FSTL5: variants seen among roughly 807,000 people sequenced by gnomAD.
FSTL5 encodes follistatin like 5, also known as follistatin-related protein 5.
Under a neutral mutation model 89.1 loss-of-function variants are expected in FSTL5, and 62 were observed. The ratio of observed to expected loss-of-function variants is 0.70; its 90% CI spans 0.57 to 0.86. FSTL5 has a LOEUF of 0.86. Ranked by LOEUF, FSTL5 falls within the 40% of genes least tolerant of loss-of-function variation. The probability of loss-of-function intolerance (pLI) is 0.00; values close to 1 mark genes in which losing one functional copy is unlikely to be tolerated. For synonymous variants in FSTL5, 383 were observed against 346.2 expected (o/e 1.11, Z -1.18); for missense variants, 1,057 against 1,001.6 (o/e 1.06, Z -0.75).
At chr4:161,990,867 A>T (rs2111075560) in intron 3 of FSTL5, among the ~76,000 whole-genome samples, 1 of 152,330 alleles carries the variant, frequency 6.6e-6, no homozygotes, top group East Asian at 1.9e-4. Flanking sequence ...TGAACTGTGG[A>T]GACCTAATCA....
At chr4:161,923,077 A>G (rs1014114971) in intron 3 of FSTL5, among the ~76,000 whole-genome samples, 26 of 152,086 alleles carry the variant, frequency 1.7e-4, no homozygotes, top group African/African-American at 5.3e-4. Context: ...TCAATTTATC[A>G]GATCAGTTTC....
chr4:162,099,432 C>G (rs1377066847), intron 2 of FSTL5, among the ~76,000 whole-genome samples: 2 of 151,864 alleles, frequency 1.3e-5, no homozygotes, highest in Non-Finnish European at 1.5e-5. Flanking sequence ...TCTCTCATGG[C>G]AAGAATGGAT....
chr4:161,718,343 T>C (rs932498484), intron 6 of FSTL5, among the ~76,000 whole-genome samples: 1 of 152,186 alleles, frequency 6.6e-6, no homozygotes, highest in African/African-American at 2.4e-5. Flanking sequence ...TTTGGAAGAA[T>C]TATTAGCATT....
chr4:161,731,879 A>C (rs1182093591), intron 6 of FSTL5, among the ~76,000 whole-genome samples: 1 of 152,076 alleles, frequency 6.6e-6, no homozygotes, highest in Non-Finnish European at 1.5e-5. Flanking sequence ...ATATACCACA[A>C]TTTGTTTATC....
rs144857059 is a variant in FSTL5, at chr4:162,024,838, G to T, written c.160+8787C>A. 3.3e-3 allele frequency among the ~76,000 whole-genome samples: 501 copies of T among 151,600 alleles called. 2 individuals carry two copies. The highest frequency in any genetic ancestry group is 0.011 in the African/African-American group (467 of 41,328). ...CTAATTTTTTTTTATTTTATTTTTT[G>T]TAGAGGCAGGGTCTCACTATGCTTT... On this transcript the variant is annotated intron_variant, in intron 3 of 15. Coordinates refer to ENST00000306100, the MANE Select transcript of FSTL5 (RefSeq NM_020116.5).
rs539940315 is a variant in FSTL5, at chr4:161,438,966, T to G, written c.1841+16038A>C. Among the ~76,000 whole-genome samples the G allele has an allele frequency of 9.2e-5, 14 of 152,202 alleles. No homozygotes were observed. In the South Asian group the frequency reaches 2.9e-3, roughly 31 times the overall value. ...TACAAATATTGATGATTATAGTTTTTTTTTTTTAACACATTGACAACTGTA... is the reference window on the plus strand; with the variant it reads ...TACAAATATTGATGATTATAGTTTTGTTTTTTTAACACATTGACAACTGTA... On this transcript the variant is annotated intron_variant, in intron 15 of 15. Coordinates refer to ENST00000306100, the MANE Select transcript of FSTL5 (RefSeq NM_020116.5).
chr4:161,443,891 A>C (rs1185541271), intron 15 of FSTL5, among the ~76,000 whole-genome samples: 1 of 151,996 alleles, frequency 6.6e-6, no homozygotes, highest in Non-Finnish European at 1.5e-5. Flanking sequence ...TATCAACATT[A>C]GGATATAAGG....
At chr4:162,116,519 C>T (rs116732962) in intron 1 of FSTL5, among the ~76,000 whole-genome samples, 2,373 of 152,228 alleles carry the variant, frequency 0.016, 43 homozygotes, top group African/African-American at 0.053. Context: ...CACCCAACTC[C>T]CACCCGCAGG....
intron 3 of FSTL5, among the ~76,000 whole-genome samples, chr4:162,027,063 A>G (rs1052054257): frequency 5.9e-5 from 9 of 152,314 alleles, no homozygotes; most frequent in African/African-American, 2.2e-4. Flanking sequence ...AGCCCTTCTT[A>G]GAATAAATAA....
chr4:161,992,936 A>C (rs2023341), intron 3 of FSTL5, among the ~76,000 whole-genome samples: 95,160 of 108,016 alleles, frequency 0.88, 43,114 homozygotes, highest in Middle Eastern at 0.98. Context: ...GTGTGTATAT[A>C]TATATGTGTG....
intron 15 of FSTL5, among the ~76,000 whole-genome samples, chr4:161,390,458 G>A (rs1170909598): frequency 2.0e-5 from 3 of 152,102 alleles, no homozygotes; most frequent in Non-Finnish European, 4.4e-5. Context: ...GTCAGTGCTT[G>A]AAGGTCTTCA....
chr4:162,006,506 ATGT>A (rs1736620788), intron 3 of FSTL5, among the ~76,000 whole-genome samples: 1 of 152,004 alleles, frequency 6.6e-6, no homozygotes, highest in African/African-American at 2.4e-5. Flanking sequence ...GAAATTTTAT[ATGT>A]TGTTGTACAG....
intron 12 of FSTL5, among the ~76,000 whole-genome samples, chr4:161,492,675 T>G (rs1214541489): frequency 2.0e-5 from 3 of 150,956 alleles, no homozygotes; most frequent in African/African-American, 7.2e-5. Flanking sequence ...AACAACATTT[T>G]GAAAATAAAT....
At chr4:161,453,017 T>C (rs1188879827) in intron 15 of FSTL5, among the ~76,000 whole-genome samples, 1 of 152,190 alleles carries the variant, frequency 6.6e-6, no homozygotes, top group Non-Finnish European at 1.5e-5. Flanking sequence ...GATGCTGTGG[T>C]CTGACAACAT....
chr4:161,624,582 T>C (rs1047521971), intron 7 of FSTL5, among the ~76,000 whole-genome samples: 1 of 151,842 alleles, frequency 6.6e-6, no homozygotes, highest in Non-Finnish European at 1.5e-5. Context: ...CTAAAAACTT[T>C]AATACATGAT....
intron 4 of FSTL5, among the ~76,000 whole-genome samples, chr4:161,884,530 T>G (rs765071018): frequency 1.3e-5 from 2 of 152,164 alleles, no homozygotes; most frequent in Non-Finnish European, 1.5e-5. Flanking sequence ...CACAAAAAAA[T>G]CTGCAAAACA....
chr4:161,736,352 A>T (rs1384510773), intron 6 of FSTL5, among the ~76,000 whole-genome samples: 1 of 152,094 alleles, frequency 6.6e-6, no homozygotes, highest in African/African-American at 2.4e-5. Context: ...ACATAAATTT[A>T]CTCTAAATTT....
intron 4 of FSTL5, among the ~76,000 whole-genome samples, chr4:161,783,733 T>TTC (rs1184044129): frequency 2.7e-4 from 1 of 3,712 alleles, no homozygotes; most frequent in African/African-American, 5.8e-4. Flanking sequence ...CTTCTTTTCT[T>TTC]TTCTTTCTTT....
chr4:161,458,105 G>A (rs565653583), intron 14 of FSTL5, among the ~76,000 whole-genome samples: 2 of 152,248 alleles, frequency 1.3e-5, no homozygotes, highest in African/African-American at 4.8e-5. Flanking sequence ...ATCACCATGC[G>A]ACAGACATGA....
Sources: allele counts gnomAD v4.1 joint callset (sites outside exome capture counted in the v4.1 genomes callset), GRCh38; gene constraint gnomAD v4.1.1; transcripts MANE v1.5; gene names NCBI Gene and HGNC (gene_info 2026-07-23, HGNC 2026-07-21).